TBC1D20: variants seen among roughly 807,000 people sequenced by gnomAD.
TBC1D20 encodes chromosome 20 open reading frame 140.
TBC1D20 carries 12 observed loss-of-function variants against 41.6 expected under a neutral mutation model. The observed-to-expected ratio is 0.29, with a 90% CI of 0.18 to 0.47. The LOEUF (loss-of-function observed/expected upper bound fraction) is 0.47. Ranked by LOEUF, TBC1D20 falls within the 20% of genes least tolerant of loss-of-function variation. TBC1D20 has a pLI of 1.00. For missense variants in TBC1D20, 421 were observed against 517.4 expected (o/e 0.81, Z 1.81); for synonymous variants, 205 against 204.8 (o/e 1.00, Z -0.01).
chr20:454,868 G>T (rs563476445), intron 1 of TBC1D20, among the ~76,000 whole-genome samples: 2 of 151,990 alleles, frequency 1.3e-5, no homozygotes, highest in Non-Finnish European at 2.9e-5. Flanking sequence ...TAGAGACAGG[G>T]TTTCACCATG....
At chr20:442,572 G>A (rs775324592) in intron 3 of TBC1D20, among the ~76,000 whole-genome samples, 6 of 152,202 alleles carry the variant, frequency 3.9e-5, no homozygotes, top group Admixed American at 1.3e-4. Context: ...CACATTACTC[G>A]AAGAAATGGT....
chr20:462,288 C>A lies in TBC1D20; in HGVS notation c.70+48G>T, dbSNP rs1406538740. 5 of 1,231,196 alleles carry A rather than the reference C, an allele frequency of 4.1e-6. No individual in the cohort carries two copies. In the African/African-American group the frequency reaches 6.4e-5, roughly 16 times the overall value. 76.3% of individuals were successfully genotyped at this position (1,231,196 alleles called of 1,614,324 possible). A position where few individuals can be genotyped will look rare whatever the true frequency, so the allele number is the denominator to read the frequency against. On this transcript the variant is annotated intron_variant, in intron 1 of 7. Coordinates refer to ENST00000354200, the MANE Select transcript of TBC1D20 (RefSeq NM_144628.4). The stretch of plus-strand genomic sequence containing the variant: ...GCCTCCGCCAGCTGCCCCTGCCCCC[C>A]GGGCCGCCCTCGCAGGCCGCTCCCG...
intron 3 of TBC1D20, 127 bp from the exon 4 acceptor site, chr20:442,170 T>C (rs2017247307): frequency 1.2e-6 from 1 of 852,884 alleles, no homozygotes; most frequent in Non-Finnish European, 1.7e-6. Context: ...TGGCAACGCA[T>C]ATCAAGATCC....
chr20:450,187 C>T lies in TBC1D20; in HGVS notation c.71-2113G>A, dbSNP rs188886306. ...TTTTTTTGAGATGGAGTCTCACTGT[C>T]GCCCAGGCTGGAGTGTAATGGCGCG... is the stretch of plus-strand genomic sequence containing the variant. On this transcript the variant is annotated intron_variant, in intron 1 of 7. Transcript: ENST00000354200. Among the ~76,000 whole-genome samples the T allele has an allele frequency of 5.0e-3, 754 of 150,564 alleles. 7 individuals are homozygous for T. The highest frequency in any genetic ancestry group is 0.017 in the African/African-American group (709 of 40,916).
At chr20:462,247 G>T in intron 1 of TBC1D20, 89 bp downstream of exon 1, 1 of 891,320 alleles carries the variant, frequency 1.1e-6, no homozygotes, top group Non-Finnish European at 1.4e-6. Flanking sequence ...TCCCCAGCCC[G>T]CGCCCCTCCG....
At chr20:457,216 A>G (rs377038335) in intron 1 of TBC1D20, among the ~76,000 whole-genome samples, 25 of 152,102 alleles carry the variant, frequency 1.6e-4, no homozygotes, top group African/African-American at 4.3e-4. Context: ...GATTACAGGC[A>G]TGAGCCACCG....
At chr20:458,927 C>T (rs1030227048) in intron 1 of TBC1D20, among the ~76,000 whole-genome samples, 2 of 152,186 alleles carry the variant, frequency 1.3e-5, no homozygotes, top group African/African-American at 2.4e-5. Context: ...CAACACCACC[C>T]TCCTCAACCC....
chr20:461,655 C>G (rs1424783359), intron 1 of TBC1D20, among the ~76,000 whole-genome samples: 1 of 152,238 alleles, frequency 6.6e-6, no homozygotes, highest in Non-Finnish European at 1.5e-5. Context: ...AGCCATGGTG[C>G]CCGGCCGCTT....
chr20:449,301 A>G (rs1232405107), intron 1 of TBC1D20, among the ~76,000 whole-genome samples: 3 of 148,676 alleles, frequency 2.0e-5, no homozygotes, highest in African/African-American at 7.4e-5. Flanking sequence ...AAAAAAAAAA[A>G]AAAAGGTAAG....
Position 439,390 on chromosome 20 carries a change from G to T in TBC1D20, c.769-95C>A. ...TATCCTTGCAGATGAATTTAAACTG[G>T]TAACAGACAGGACTCAGCCCAAATG... On this transcript the variant is annotated intron_variant, in intron 6 of 7. Transcript: ENST00000354200. This position sits in a 1 kb window ranked among gnomAD's most constrained non-coding sequence, Gnocchi z 4.6. 1.0e-6 allele frequency: 1 copy of T among 963,858 alleles called. No homozygotes were observed. Among genetic ancestry groups the T allele is most frequent in the Non-Finnish European group, 1.6e-6 (1 of 642,656 alleles). The allele number at this position is 963,858 out of a possible 1,614,324, so 59.7% of individuals were successfully genotyped here. A position where few individuals can be genotyped will look rare whatever the true frequency, so the allele number is the denominator to read the frequency against.
chr20:455,490 C>T (rs1248284294), intron 1 of TBC1D20, among the ~76,000 whole-genome samples: 1 of 151,438 alleles, frequency 6.6e-6, no homozygotes, highest in African/African-American at 2.4e-5. Flanking sequence ...TGGTGGTGCA[C>T]GCTTGTAGTC....
intron 1 of TBC1D20, among the ~76,000 whole-genome samples, chr20:457,797 G>A (rs991585216): frequency 2.6e-5 from 4 of 152,246 alleles, no homozygotes; most frequent in Admixed American, 1.3e-4. Context: ...CTTTGGGCCT[G>A]AGGGCCATCC....
At chr20:456,530 A>T (rs1021499976) in intron 1 of TBC1D20, among the ~76,000 whole-genome samples, 1 of 152,150 alleles carries the variant, frequency 6.6e-6, no homozygotes, top group African/African-American at 2.4e-5. Context: ...AATCTGAGGG[A>T]TTATGAAAAT....
Position 437,957 on chromosome 20 carries a change from C to T in TBC1D20, c.*629G>A, listed in dbSNP as rs2017150330. 3.3e-5 allele frequency: 5 copies of T among 153,358 alleles called. No individual in the cohort carries two copies. The allele number at this position is 153,358 out of a possible 1,614,324, so 9.5% of individuals were successfully genotyped here. ...AGGTCTAGGCCCTAAAAATGAGCTT[C>T]CTTCCCACTTGACTGGAAACGCCCA... is the stretch of plus-strand genomic sequence containing the variant. On this transcript the variant is annotated 3_prime_UTR_variant, in exon 8 of 8. Coordinates refer to ENST00000354200, the MANE Select transcript of TBC1D20 (RefSeq NM_144628.4).
intron 1 of TBC1D20, among the ~76,000 whole-genome samples, chr20:453,388 T>C (rs535290536): frequency 0.01 from 1,423 of 139,284 alleles, 43 homozygotes; most frequent in Non-Finnish European, 0.016. Context: ...GCAGGAGAAT[T>C]GCTTGAACCT....
chr20:453,334 C>T (rs2017482783), intron 1 of TBC1D20, among the ~76,000 whole-genome samples: 1 of 150,428 alleles, frequency 6.6e-6, no homozygotes, highest in Non-Finnish European at 1.5e-5. Context: ...ATTAGCCGGG[C>T]GTGGCGGCGC....
chr20:447,886 T>C lies in TBC1D20; in HGVS notation c.256+3A>G. 6.2e-7 allele frequency: 1 copy of C among 1,608,924 alleles called. No individual in the cohort carries two copies. Among genetic ancestry groups the C allele is most frequent in the Non-Finnish European group, 8.5e-7 (1 of 1,177,456 alleles). ...CCCTCACAGCCTCCCCCACTCCCCT[T>C]ACCTGATATAGGAGGTGGGTCATTG... On this transcript the variant is annotated splice_donor_region_variant and intron_variant, in intron 2 of 7. Coordinates refer to ENST00000354200, the MANE Select transcript of TBC1D20 (RefSeq NM_144628.4).
chr20:448,165 A>G, intron 1 of TBC1D20, 91 bp from the exon 2 acceptor site: 1 of 853,082 alleles, frequency 1.2e-6, no homozygotes, highest in East Asian at 2.5e-5. Flanking sequence ...TATGAGGTAC[A>G]GGTAAGTATC....
At chr20:452,026 A>G (rs1311511348) in intron 1 of TBC1D20, among the ~76,000 whole-genome samples, 1 of 152,098 alleles carries the variant, frequency 6.6e-6, no homozygotes, top group African/African-American at 2.4e-5. Flanking sequence ...TACAAGCAAA[A>G]GGCCGGGCAC....
Sources: allele counts gnomAD v4.1 joint callset (sites outside exome capture counted in the v4.1 genomes callset), GRCh38; gene constraint gnomAD v4.1.1; non-coding constraint Gnocchi (gnomAD v3.1); transcripts MANE v1.5; gene names NCBI Gene and HGNC (gene_info 2026-07-23, HGNC 2026-07-21).